DPYD: variants seen among roughly 807,000 people sequenced by gnomAD.
The protein encoded by DPYD is dihydropyrimidine dehydrogenase, also known as dihydropyrimidine dehydrogenase [NADP(+)].
DPYD carries 109 observed loss-of-function variants against 116.2 expected under a neutral mutation model. That is an observed-to-expected ratio of 0.94 (90% CI 0.80 to 1.10). The LOEUF (loss-of-function observed/expected upper bound fraction) is 1.10. Ranked by LOEUF, DPYD falls within the 50% of genes least tolerant of loss-of-function variation. The pLI is 0.00. For missense variants in DPYD, 1,302 were observed against 1,254.5 expected (o/e 1.04, Z -0.57); for synonymous variants, 440 against 432.0 (o/e 1.02, Z -0.23).
At chr1:97,649,353 T>C (rs2100837972) in intron 8 of DPYD, among the ~76,000 whole-genome samples, 1 of 152,254 alleles carries the variant, frequency 6.6e-6, no homozygotes, top group East Asian at 1.9e-4. Flanking sequence ...GAAATATTCC[T>C]GACAGTGAGG....
At chr1:97,862,477 A>G (rs1671167251) in intron 2 of DPYD, among the ~76,000 whole-genome samples, 1 of 151,930 alleles carries the variant, frequency 6.6e-6, no homozygotes, top group African/African-American at 2.4e-5. Flanking sequence ...ATGACAAAAG[A>G]TACCTCTTTG....
At position 97,855,554 on chromosome 1, in the gene DPYD, C is replaced by G. The variant is rs537657831; in HGVS notation, c.151-27358G>C. 2.0e-5 allele frequency: 3 copies of G among 152,252 alleles called. No individual in the cohort carries two copies. In the East Asian group the frequency reaches 5.8e-4, roughly 29 times the overall value. 9.4% of individuals were successfully genotyped at this position (152,252 alleles called of 1,614,324 possible). On this transcript the variant is annotated intron_variant, in intron 2 of 22. Transcript: ENST00000370192. ...AGCACTAGAAAGCCCCAACTCTTTA[C>G]TTGGGCTTATATTAAAGACTCTCAG... is the stretch of plus-strand genomic sequence containing the variant.
At chr1:97,672,150 G>A (rs1230310920) in intron 8 of DPYD, among the ~76,000 whole-genome samples, 1 of 151,812 alleles carries the variant, frequency 6.6e-6, no homozygotes, top group Non-Finnish European at 1.5e-5. Flanking sequence ...TCTATCTTAC[G>A]ACCTGGGCTC....
At position 97,629,924 on chromosome 1, in the gene DPYD, T is replaced by A. The variant is rs185043742; in HGVS notation, c.851-34758A>T. Among the ~76,000 whole-genome samples the A allele has an allele frequency of 1.1e-4, 17 of 152,164 alleles. 1 individual carries two copies. Among genetic ancestry groups the A allele is most frequent in the Admixed American group, 7.9e-4 (12 of 15,248 alleles). On this transcript the variant is annotated intron_variant, in intron 8 of 22. Transcript: ENST00000370192. ...TAACCTATTACCCATTTCTAAAATA[T>A]CATAATTTCAAAACATTGTATAAAT... is the stretch of plus-strand genomic sequence containing the variant.
chr1:97,890,737 A>T (rs1342211747), intron 1 of DPYD, among the ~76,000 whole-genome samples: 1 of 151,988 alleles, frequency 6.6e-6, no homozygotes, highest in Non-Finnish European at 1.5e-5. Context: ...ATTTAAAGCA[A>T]ACCAGCCAGG....
At chr1:97,812,532 A>G (rs1668389232) in intron 3 of DPYD, among the ~76,000 whole-genome samples, 1 of 152,138 alleles carries the variant, frequency 6.6e-6, no homozygotes, top group Admixed American at 6.6e-5. Context: ...GTACCCTAAC[A>G]GTAACACAAT....
chr1:97,087,727 G>T (rs1649615212), intron 21 of DPYD, among the ~76,000 whole-genome samples: 1 of 152,174 alleles, frequency 6.6e-6, no homozygotes, highest in Admixed American at 6.5e-5. Context: ...TTCATTTAAT[G>T]AAGGTAAGTG....
intron 5 of DPYD, among the ~76,000 whole-genome samples, chr1:97,706,186 C>G (rs114469519): frequency 6.6e-6 from 1 of 151,728 alleles, no homozygotes; most frequent in African/African-American, 2.4e-5. Context: ...ATTCTAGCCA[C>G]TCTACTAACA....
chr1:97,873,820 C>T (rs1248016513), intron 2 of DPYD, among the ~76,000 whole-genome samples: 1 of 151,882 alleles, frequency 6.6e-6, no homozygotes, highest in African/African-American at 2.4e-5. Flanking sequence ...TTATTTATTG[C>T]ATACTTACTA....
chr1:97,845,772 G>A (rs1670269282), intron 2 of DPYD, among the ~76,000 whole-genome samples: 1 of 152,220 alleles, frequency 6.6e-6, no homozygotes, highest in Non-Finnish European at 1.5e-5. Flanking sequence ...CTGATCCAGG[G>A]CTGTCACATC....
chr1:97,236,891 T>G (rs1318697652), intron 18 of DPYD, among the ~76,000 whole-genome samples: 3 of 152,100 alleles, frequency 2.0e-5, no homozygotes, highest in Non-Finnish European at 4.4e-5. Flanking sequence ...CTCTCAATTT[T>G]GCTGTGAATC....
At chr1:97,733,560 C>T (rs1164736505) in intron 4 of DPYD, among the ~76,000 whole-genome samples, 1 of 151,940 alleles carries the variant, frequency 6.6e-6, no homozygotes, top group African/African-American at 2.4e-5. Context: ...AGAATTGCTT[C>T]TTAACCTTCC....
chr1:97,663,651 A>G (rs1659392043), intron 8 of DPYD, among the ~76,000 whole-genome samples: 1 of 152,092 alleles, frequency 6.6e-6, no homozygotes, highest in Admixed American at 6.5e-5. Context: ...AAAATCCTTC[A>G]TTTTCCACAG....
At chr1:97,601,176 C>T (rs892841173) in intron 8 of DPYD, among the ~76,000 whole-genome samples, 4 of 151,970 alleles carry the variant, frequency 2.6e-5, no homozygotes, top group African/African-American at 9.7e-5. Flanking sequence ...CTTTCAAACT[C>T]CTTGATTTTA....
At position 97,539,269 on chromosome 1, in the gene DPYD, T is replaced by C. The variant is rs78071449; in HGVS notation, c.1524+10291A>G. Among the ~76,000 whole-genome samples, 822 of 152,240 alleles carry C rather than the reference T, an allele frequency of 5.4e-3. 5 individuals carry two copies. Among genetic ancestry groups the C allele is most frequent in the African/African-American group, 0.019 (778 of 41,546 alleles). On this transcript the variant is annotated intron_variant, in intron 12 of 22. Transcript: ENST00000370192. ...AATATGTACTCAAATTTTTTTTAAA[T>C]TTAATGCCCTGACGCCTCCTTCCTT...
chr1:97,480,034 CT>C (rs1678211008), intron 13 of DPYD, among the ~76,000 whole-genome samples: 1 of 152,084 alleles, frequency 6.6e-6, no homozygotes, highest in African/African-American at 2.4e-5. Flanking sequence ...TGCTTTTCTT[CT>C]ATTTCTTTCT....
intron 7 of DPYD, among the ~76,000 whole-genome samples, chr1:97,689,455 G>C (rs1472740682): frequency 6.6e-6 from 1 of 151,936 alleles, no homozygotes; most frequent in Non-Finnish European, 1.5e-5. Flanking sequence ...ATTATTTGTT[G>C]AGTAAATGAA....
At chr1:97,297,758 G>A (rs960618944) in intron 18 of DPYD, among the ~76,000 whole-genome samples, 7 of 152,214 alleles carry the variant, frequency 4.6e-5, no homozygotes, top group Admixed American at 3.3e-4. Flanking sequence ...TGTCCTAGAA[G>A]AGAGCTGTTA....
intron 13 of DPYD, among the ~76,000 whole-genome samples, chr1:97,511,563 T>C (rs1647802722): frequency 6.6e-6 from 1 of 152,000 alleles, no homozygotes; most frequent in Non-Finnish European, 1.5e-5. Context: ...ATTACTCTTA[T>C]TTATTCCATG....
Sources: allele counts gnomAD v4.1 joint callset (sites outside exome capture counted in the v4.1 genomes callset), GRCh38; gene constraint gnomAD v4.1.1; transcripts MANE v1.5; gene names NCBI Gene and HGNC (gene_info 2026-07-23, HGNC 2026-07-21).